ZNF69: variants seen among roughly 807,000 people sequenced by gnomAD.
ZNF69 encodes zinc finger protein 69, also known as ZNF3.
ZNF69 carries 47 observed loss-of-function variants against 50.9 expected under a neutral mutation model. That is an observed-to-expected ratio of 0.92 (90% CI 0.73 to 1.18). The LOEUF (loss-of-function observed/expected upper bound fraction) is 1.18. Among genes scored for constraint, ZNF69 ranks in the 50% most tolerant of loss-of-function variants. The probability of loss-of-function intolerance (pLI) is 0.00; values close to 1 mark genes in which losing one functional copy is unlikely to be tolerated. For missense variants in ZNF69, 717 were observed against 675.1 expected, an observed-to-expected ratio of 1.06 and a Z score of -0.69; for synonymous variants, 216 against 223.1, an observed-to-expected ratio of 0.97 and a Z score of 0.29.
At chr19:11,967,294 G>A in the ZNF69 span, among the ~76,000 whole-genome samples, 2 of 152,196 alleles carry the variant, frequency 1.3e-5, no homozygotes, top group African/African-American at 4.8e-5. Context: ...CCGAGGACTC[G>A]CCACTGCACT....
intron 4 of ZNF69, among the ~76,000 whole-genome samples, chr19:11,912,006 A>T (rs557834310): frequency 6.6e-6 from 1 of 151,810 alleles, no homozygotes; most frequent in African/African-American, 2.4e-5. Context: ...TCATGAAAGG[A>T]CTCACACTGG....
At chr19:11,907,819 A>G (rs1293424524), downstream of ZNF69, among the ~76,000 whole-genome samples, 1 of 152,224 alleles carries the variant, frequency 6.6e-6, no homozygotes, top group Non-Finnish European at 1.5e-5. Flanking sequence ...TTCACACATA[A>G]CAATATTAAC....
At chr19:11,932,716 C>A in the ZNF69 span, among the ~76,000 whole-genome samples, 8 of 143,458 alleles carry the variant, frequency 5.6e-5, no homozygotes, top group Admixed American at 1.4e-4. Flanking sequence ...CGGCTCACTG[C>A]AAGCTCCGCC....
downstream of ZNF69, among the ~76,000 whole-genome samples, chr19:11,917,223 A>G (rs115558517): frequency 2.8e-4 from 43 of 152,282 alleles, no homozygotes; most frequent in East Asian, 1.9e-3. Context: ...TGGAGAATTG[A>G]TTGGTGTTCA....
the ZNF69 span, among the ~76,000 whole-genome samples, chr19:11,954,874 T>A: frequency 6.6e-6 from 1 of 152,088 alleles, no homozygotes; most frequent in Non-Finnish European, 1.5e-5. Flanking sequence ...AGATTTTTTT[T>A]AATGAATTGT....
At chr19:11,907,408 T>C (rs1295652132), downstream of ZNF69, among the ~76,000 whole-genome samples, 1 of 152,112 alleles carries the variant, frequency 6.6e-6, no homozygotes, top group Non-Finnish European at 1.5e-5. Context: ...GAAAAAATGT[T>C]AAGGGCAGCC....
chr19:11,976,017 GT>G, the ZNF69 span, among the ~76,000 whole-genome samples: 1 of 148,706 alleles, frequency 6.7e-6, no homozygotes, highest in African/African-American at 2.5e-5. Flanking sequence ...CATAATGGAT[GT>G]TTCTTTCTAC....
chr19:11,946,808 GAGACA>G, the ZNF69 span: 1,482 of 165,846 alleles, frequency 8.9e-3, 18 homozygotes, highest in African/African-American at 0.034. Context: ...TTTTTCTTTC[GAGACA>G]AGACAACACT....
chr19:11,961,269 C>T, the ZNF69 span, among the ~76,000 whole-genome samples: 1 of 152,104 alleles, frequency 6.6e-6, no homozygotes, highest in African/African-American at 2.4e-5. Flanking sequence ...CATGTGAGGA[C>T]AAAGCAAGAA....
chr19:11,900,890 T>C (rs1490221872), intron 1 of ZNF69, among the ~76,000 whole-genome samples: 3 of 152,356 alleles, frequency 2.0e-5, no homozygotes, highest in South Asian at 2.1e-4. Flanking sequence ...TGAAACCTTA[T>C]TGCCAAATCC....
At chr19:11,920,890 A>G in the ZNF69 span, among the ~76,000 whole-genome samples, 1 of 152,144 alleles carries the variant, frequency 6.6e-6, no homozygotes, top group South Asian at 2.1e-4. Context: ...CCAAAATCCT[A>G]AAGGGACTGA....
chr19:11,960,025 G>C, the ZNF69 span, among the ~76,000 whole-genome samples: 1 of 148,282 alleles, frequency 6.7e-6, no homozygotes, highest in Non-Finnish European at 1.5e-5. Flanking sequence ...CTAATTTGTA[G>C]TGTTTTTTTT....
chr19:11,903,414 A>G (rs138403436), intron 1 of ZNF69, among the ~76,000 whole-genome samples, 159 bp from the exon 2 acceptor site: 1 of 152,336 alleles, frequency 6.6e-6, no homozygotes, highest in African/African-American at 2.4e-5. Context: ...GTCTCAAAAA[A>G]AAGAATTGCT....
At chr19:11,962,429 A>C in the ZNF69 span, among the ~76,000 whole-genome samples, 3 of 152,100 alleles carry the variant, frequency 2.0e-5, no homozygotes, top group East Asian at 5.8e-4. Flanking sequence ...CAGTGGTGGG[A>C]TCATAGCTCA....
intron 1 of ZNF69, among the ~76,000 whole-genome samples, chr19:11,895,540 G>C (rs1439854481): frequency 1.3e-5 from 2 of 152,194 alleles, no homozygotes; most frequent in East Asian, 1.9e-4. Flanking sequence ...AGGGTCAGTG[G>C]TACAAGTCAA....
At chr19:11,975,185 G>C in the ZNF69 span, among the ~76,000 whole-genome samples, 3 of 151,102 alleles carry the variant, frequency 2.0e-5, no homozygotes, top group Non-Finnish European at 4.4e-5. Context: ...CACAACCTCC[G>C]CCTCCCGGGT....
At chr19:11,956,768 A>G in the ZNF69 span, 1 of 377,762 alleles carries the variant, frequency 2.6e-6, no homozygotes. Context: ...AGGCATGAGA[A>G]CTGCTTGAAC....
At chr19:11,949,995 C>G in the ZNF69 span, 1 of 1,614,080 alleles carries the variant, frequency 6.2e-7, no homozygotes, top group Non-Finnish European at 8.5e-7. Context: ...AAAAAGCATT[C>G]TGTAAATTCT....
At chr19:11,925,424 G>A in the ZNF69 span, 3 of 1,317,836 alleles carry the variant, frequency 2.3e-6, no homozygotes, top group Non-Finnish European at 2.0e-6. Flanking sequence ...GGTCCCCTTG[G>A]CCGCTGGACG....
Sources: gnomAD v4.1 joint callset for allele counts (sites outside exome capture counted in the v4.1 genomes callset) on GRCh38, gnomAD v4.1.1 for gene constraint, MANE v1.5 for transcripts, NCBI Gene and HGNC (gene_info 2026-07-23, HGNC 2026-07-21) for gene names.